The following PCCB variants were observed in gnomAD, a reference collection of about 807,000 sequenced individuals.
PCCB encodes propionyl-CoA carboxylase beta chain, mitochondrial.
A neutral mutation model predicts 60.7 loss-of-function variants in PCCB; 43 were observed. The observed-to-expected ratio is 0.71, with a 90% CI of 0.55 to 0.91. The LOEUF (loss-of-function observed/expected upper bound fraction) is 0.91, where lower values mean the gene tolerates loss of function less well. Ranked by LOEUF, PCCB falls within the 40% of genes least tolerant of loss-of-function variation. The pLI, the probability that PCCB is intolerant of heterozygous loss-of-function variation, is 0.00. For synonymous variants in PCCB, 276 were observed against 255.9 expected, an observed-to-expected ratio of 1.08 and a Z score of -0.75; for missense variants, 766 against 702.8, an observed-to-expected ratio of 1.09 and a Z score of -1.02.
chr3:136,250,356 G>A lies in PCCB; in HGVS notation c.-20G>A. On this transcript the variant is annotated 5_prime_UTR_variant, in exon 1 of 15. Transcript: ENST00000251654. Reference sequence around the variant, plus strand: ...TGCGTACTCAGGTGCGCCGGTAGGGGACGCGCCGGCACAGCAAAAATGGCG... The same window carrying A: ...TGCGTACTCAGGTGCGCCGGTAGGGAACGCGCCGGCACAGCAAAAATGGCG... The A allele has an allele frequency of 1.3e-6, 2 of 1,496,222 alleles. No individual in the cohort carries two copies. Among genetic ancestry groups the A allele is most frequent in the Non-Finnish European group, 1.8e-6 (2 of 1,117,790 alleles). 92.7% of individuals were successfully genotyped at this position (1,496,222 alleles called of 1,614,324 possible).
chr3:136,268,311 AT>A (rs1296177305), intron 5 of PCCB, among the ~76,000 whole-genome samples: 1 of 151,384 alleles, frequency 6.6e-6, no homozygotes, highest in African/African-American at 2.4e-5. Context: ...GTCTTGACAC[AT>A]TGATAAAAAT....
intron 5 of PCCB, among the ~76,000 whole-genome samples, chr3:136,265,739 A>C (rs1385064844): frequency 6.6e-6 from 1 of 152,200 alleles, no homozygotes; most frequent in Non-Finnish European, 1.5e-5. Flanking sequence ...TTTCCAAAAC[A>C]ACTAAACCAT....
intron 5 of PCCB, among the ~76,000 whole-genome samples, chr3:136,281,066 T>C (rs1438643070): frequency 1.3e-5 from 2 of 152,184 alleles, no homozygotes; most frequent in Non-Finnish European, 2.9e-5. Context: ...GTTTCTCTTA[T>C]TGTGTTTTGA....
At chr3:136,308,213 AT>A (rs1934517140) in intron 9 of PCCB, among the ~76,000 whole-genome samples, 1 of 147,274 alleles carries the variant, frequency 6.8e-6, no homozygotes, top group Non-Finnish European at 1.5e-5. Context: ...AAGTTCAGGT[AT>A]TAACCATAAT....
intron 7 of PCCB, 50 bp from the exon 8 acceptor site, chr3:136,297,902 T>G (rs767635303): frequency 6.2e-7 from 1 of 1,613,096 alleles, no homozygotes; most frequent in South Asian, 1.1e-5. Context: ...GCAGCAACTT[T>G]GGGCTGGCTG....
At chr3:136,253,082 GTT>G (rs59099393) in intron 1 of PCCB, among the ~76,000 whole-genome samples, 1 of 71,488 alleles carries the variant, frequency 1.4e-5, no homozygotes, top group South Asian at 5.7e-4. Flanking sequence ...AGCAATGGAG[GTT>G]TTTTTTTTTT....
At chr3:136,302,119 A>C (rs1008432558) in intron 9 of PCCB, among the ~76,000 whole-genome samples, 4 of 152,214 alleles carry the variant, frequency 2.6e-5, no homozygotes, top group Admixed American at 6.5e-5. Flanking sequence ...AGCAGTCAGC[A>C]AGCACAGATT....
At chr3:136,294,041 G>A (rs1333752577) in intron 7 of PCCB, among the ~76,000 whole-genome samples, 177 bp downstream of exon 7, 3 of 152,134 alleles carry the variant, frequency 2.0e-5, no homozygotes, top group Non-Finnish European at 4.4e-5. Flanking sequence ...TAGTGATAAA[G>A]GTAGATTTAG....
intron 7 of PCCB, among the ~76,000 whole-genome samples, chr3:136,294,410 C>G (rs1933842533): frequency 6.6e-6 from 1 of 150,788 alleles, no homozygotes; most frequent in African/African-American, 2.4e-5. Flanking sequence ...CTCCCAGGCT[C>G]AAGCAATCCT....
rs538202253 is a variant in PCCB at position 136,301,058 on chromosome 3, A to G, written c.913A>G (p.Ile305Val). ...SDRLVPELDT[I>V]VPLESTKAYN... Reference sequence around the variant, plus strand: ...CCGTCTGGTTCCTGAGCTTGACACAATTGTCCCTTTGGAATCAACCAAAGC... The same window carrying G: ...CCGTCTGGTTCCTGAGCTTGACACAGTTGTCCCTTTGGAATCAACCAAAGC... Residue 305 changes from isoleucine (I) to valine (V), a missense_variant, in exon 9 of 15, where the codon ATT becomes GTT. Transcript: ENST00000251654. 25 of 1,614,118 alleles carry G rather than the reference A, an allele frequency of 1.5e-5. No individual in the cohort carries two copies. Among genetic ancestry groups the G allele is most frequent in the East Asian group, 8.9e-5 (4 of 44,888 alleles).
intron 6 of PCCB, among the ~76,000 whole-genome samples, chr3:136,288,449 GAT>G (rs1933524515): frequency 6.6e-6 from 1 of 151,520 alleles, no homozygotes; most frequent in Non-Finnish European, 1.5e-5. Context: ...AGGTTCAAGT[GAT>G]CCTCCTGCCT....
chr3:136,309,807 A>T (rs1024982432), intron 9 of PCCB, among the ~76,000 whole-genome samples: 5 of 152,148 alleles, frequency 3.3e-5, no homozygotes, highest in Non-Finnish European at 7.4e-5. Context: ...GTCTCAAAAA[A>T]AAAAAAAATT....
At chr3:136,271,934 G>A (rs1202710036) in intron 5 of PCCB, among the ~76,000 whole-genome samples, 1 of 152,120 alleles carries the variant, frequency 6.6e-6, no homozygotes, top group African/African-American at 2.4e-5. Flanking sequence ...TCCTTGTCTT[G>A]TTCCAGTTTT....
At chr3:136,255,084 C>T (rs1354310044) in intron 1 of PCCB, among the ~76,000 whole-genome samples, 1 of 152,036 alleles carries the variant, frequency 6.6e-6, no homozygotes, top group Non-Finnish European at 1.5e-5. Context: ...CCATGTTGGT[C>T]AGGCTGGTCT....
intron 5 of PCCB, among the ~76,000 whole-genome samples, chr3:136,273,578 C>CT (rs56936911): frequency 1.3e-3 from 75 of 59,170 alleles, no homozygotes; most frequent in African/African-American, 3.2e-3. Context: ...CTTTTTCTTT[C>CT]TTTTTTTTTT....
At chr3:136,267,495 T>C (rs953043474) in intron 5 of PCCB, among the ~76,000 whole-genome samples, 2 of 151,800 alleles carry the variant, frequency 1.3e-5, no homozygotes, top group African/African-American at 4.8e-5. Context: ...TGTGGTGGCT[T>C]TTTTTTTGAG....
chr3:136,312,688 T>G (rs1174700202), intron 9 of PCCB, among the ~76,000 whole-genome samples: 1 of 152,154 alleles, frequency 6.6e-6, no homozygotes, highest in Non-Finnish European at 1.5e-5. Context: ...CTCTGAAACC[T>G]TAGGGGAAGG....
intron 10 of PCCB, 148 bp downstream of exon 10, chr3:136,317,212 ATTTTTTTTTTTTTT>A (rs397694948): frequency 8.9e-5 from 23 of 259,646 alleles, no homozygotes; most frequent in Admixed American, 2.0e-4. Context: ...ATAAAAGCTA[ATTTTTTTTTTTTTT>A]TTTTTTTTTT....
intron 12 of PCCB, 142 bp downstream of exon 12, chr3:136,327,397 C>G: frequency 1.3e-6 from 1 of 760,442 alleles, no homozygotes; most frequent in Non-Finnish European, 2.3e-6. Flanking sequence ...ATGTTGTTCC[C>G]AGCCCCGCAG....
Sources: allele counts gnomAD v4.1 joint callset (sites outside exome capture counted in the v4.1 genomes callset), GRCh38; gene constraint gnomAD v4.1.1; transcripts MANE v1.5; gene names NCBI Gene and HGNC (gene_info 2026-07-23, HGNC 2026-07-21).